Variants in IGSF21 observed in about 807,000 individuals in gnomAD.
The protein encoded by IGSF21 is immunoglobulin superfamily member 21.
A neutral mutation model predicts 46.8 loss-of-function variants in IGSF21; 28 were observed. That is an observed-to-expected ratio of 0.60 (90% confidence interval 0.44 to 0.82). The LOEUF (loss-of-function observed/expected upper bound fraction) is 0.82, where lower values mean the gene tolerates loss of function less well. Among genes scored for constraint, IGSF21 ranks in the 40% least tolerant of loss-of-function variants. The pLI, the probability that IGSF21 is intolerant of heterozygous loss-of-function variation, is 0.00. For missense variants in IGSF21, 624 were observed against 665.5 expected (o/e 0.94, Z 0.69); for synonymous variants, 284 against 273.6 (o/e 1.04, Z -0.38).
intron 2 of IGSF21, among the ~76,000 whole-genome samples, chr1:18,244,235 C>G (rs1239430359): frequency 1.3e-5 from 2 of 152,228 alleles, no homozygotes; most frequent in East Asian, 3.8e-4. Context: ...TGCATTGCCC[C>G]CGGTCGGGAG....
chr1:18,170,730 C>T (rs574080523), intron 1 of IGSF21, among the ~76,000 whole-genome samples: 12 of 152,094 alleles, frequency 7.9e-5, no homozygotes, highest in African/African-American at 2.7e-4. Context: ...CTTTAAAGCA[C>T]ACTGCTATCC....
intron 1 of IGSF21, among the ~76,000 whole-genome samples, chr1:18,224,626 G>A (rs999565806): frequency 2.6e-5 from 4 of 152,102 alleles, no homozygotes; most frequent in African/African-American, 7.2e-5. Flanking sequence ...TGCCTGGTAC[G>A]GAATAGATTC....
chr1:18,369,061 A>G (rs1229093700), intron 6 of IGSF21, among the ~76,000 whole-genome samples: 1 of 152,028 alleles, frequency 6.6e-6, no homozygotes, highest in Non-Finnish European at 1.5e-5. Context: ...AGAAGGGCCC[A>G]CTCATAAGCA....
intron 1 of IGSF21, among the ~76,000 whole-genome samples, chr1:18,195,826 C>A (rs901030417): frequency 1.3e-5 from 2 of 152,204 alleles, no homozygotes; most frequent in African/African-American, 4.8e-5. Flanking sequence ...GACCAAGACT[C>A]ATAAACAGAT....
At chr1:18,340,207 C>T (rs1321353998) in intron 4 of IGSF21, among the ~76,000 whole-genome samples, 1 of 149,410 alleles carries the variant, frequency 6.7e-6, no homozygotes, top group East Asian at 1.9e-4. Context: ...TTCCAATGAA[C>T]AAGGAGGACA....
intron 3 of IGSF21, among the ~76,000 whole-genome samples, chr1:18,325,184 G>A (rs1211697913): frequency 2.6e-5 from 4 of 152,232 alleles, no homozygotes; most frequent in East Asian, 1.9e-4. Flanking sequence ...GTTAGTGCAG[G>A]GGCCATGTCT....
At chr1:18,267,952 C>T (rs866096462) in intron 2 of IGSF21, among the ~76,000 whole-genome samples, 1 of 152,250 alleles carries the variant, frequency 6.6e-6, no homozygotes, top group African/African-American at 2.4e-5. Flanking sequence ...TAGTTACTGT[C>T]TAGCTCTTTA....
intron 1 of IGSF21, among the ~76,000 whole-genome samples, chr1:18,118,918 CCCTT>C (rs57866792): frequency 0.1 from 14,954 of 147,936 alleles, 851 homozygotes; most frequent in Middle Eastern, 0.16. Flanking sequence ...CTCCCTCCCT[CCCTT>C]CCTTTCTTCC....
intron 1 of IGSF21, among the ~76,000 whole-genome samples, chr1:18,183,477 G>T (rs1488048428): frequency 6.6e-6 from 1 of 152,190 alleles, no homozygotes; most frequent in Non-Finnish European, 1.5e-5. Flanking sequence ...TTGTGCATCT[G>T]GTACCCATGA....
intron 3 of IGSF21, among the ~76,000 whole-genome samples, chr1:18,326,492 A>G (rs2124599161): frequency 6.6e-6 from 1 of 152,348 alleles, no homozygotes; most frequent in East Asian, 1.9e-4. Flanking sequence ...CAATGGTTAT[A>G]CAAATGAAAA....
intron 2 of IGSF21, among the ~76,000 whole-genome samples, chr1:18,233,201 G>A (rs2084644018): frequency 6.6e-6 from 1 of 152,228 alleles, no homozygotes; most frequent in African/African-American, 2.4e-5. Flanking sequence ...GAGAGAGAAG[G>A]AGATCTACAA....
chr1:18,176,686 C>T (rs748796309), intron 1 of IGSF21, among the ~76,000 whole-genome samples: 5 of 152,188 alleles, frequency 3.3e-5, no homozygotes, highest in Non-Finnish European at 5.9e-5. Flanking sequence ...AGACTTTCCT[C>T]CTCTTCCTTG....
intron 3 of IGSF21, among the ~76,000 whole-genome samples, chr1:18,307,855 G>A (rs2085442042): frequency 6.6e-6 from 1 of 152,204 alleles, no homozygotes; most frequent in African/African-American, 2.4e-5. Context: ...AGCATCTCGT[G>A]CACAGTCCAT....
At chr1:18,319,800 C>A (rs1411280037) in intron 3 of IGSF21, among the ~76,000 whole-genome samples, 1 of 152,170 alleles carries the variant, frequency 6.6e-6, no homozygotes, top group Non-Finnish European at 1.5e-5. Flanking sequence ...AGCGCCCCCT[C>A]CACTCCCAGC....
intron 2 of IGSF21, among the ~76,000 whole-genome samples, chr1:18,240,020 G>A (rs903625157): frequency 9.9e-5 from 15 of 152,222 alleles, no homozygotes; most frequent in Admixed American, 9.8e-4. Flanking sequence ...GCTCATGCCT[G>A]TAATCCCAGC....
intron 1 of IGSF21, among the ~76,000 whole-genome samples, chr1:18,183,071 T>C (rs190511522): frequency 2.0e-5 from 3 of 152,264 alleles, no homozygotes; most frequent in African/African-American, 7.2e-5. Context: ...GCCTCTGTAA[T>C]ATCCTTTTTC....
At chr1:18,292,012 G>A (rs778912640) in intron 3 of IGSF21, 25 bp downstream of exon 3, 40 of 1,600,776 alleles carry the variant, frequency 2.5e-5, no homozygotes, top group East Asian at 4.5e-5. Flanking sequence ...GTGGCGGGCC[G>A]ACAGCGGGGG....
chr1:18,189,596 G>A (rs1177044525), intron 1 of IGSF21, among the ~76,000 whole-genome samples: 15 of 151,806 alleles, frequency 9.9e-5, no homozygotes, highest in Non-Finnish European at 2.9e-5. Context: ...GGCCCCACTG[G>A]GGGTGCTGGG....
rs542185233 is a variant in IGSF21, at chr1:18,313,082, C to T, written c.305+21095C>T. Among the ~76,000 whole-genome samples the T allele has an allele frequency of 5.3e-5, 8 of 152,326 alleles. No individual in the cohort carries two copies. In the East Asian group the frequency reaches 1.4e-3, roughly 26 times the overall value. ...CCACCATCCAGGGCTGATCCTGGCCCTGAACATTTGTTGGACCGAGCAGAC... is the reference window on the plus strand; with the variant it reads ...CCACCATCCAGGGCTGATCCTGGCCTTGAACATTTGTTGGACCGAGCAGAC... On this transcript the variant is annotated intron_variant, in intron 3 of 9. Coordinates refer to ENST00000251296, the MANE Select transcript of IGSF21 (RefSeq NM_032880.5).
Sources: allele counts gnomAD v4.1 joint callset (sites outside exome capture counted in the v4.1 genomes callset), GRCh38; gene constraint gnomAD v4.1.1; transcripts MANE v1.5; gene names NCBI Gene and HGNC (gene_info 2026-07-23, HGNC 2026-07-21).